TRAPPC3L: variants seen among roughly 807,000 people sequenced by gnomAD.
TRAPPC3L encodes the protein trafficking protein particle complex subunit 3-like protein.
In TRAPPC3L, 23 loss-of-function variants were observed where a neutral mutation model predicts 23.7. That is an observed-to-expected ratio of 0.97 (90% CI 0.70 to 1.37). The LOEUF (loss-of-function observed/expected upper bound fraction) is 1.37. Ranked by LOEUF, TRAPPC3L falls within the 40% of genes most tolerant of loss-of-function variation. The pLI, the probability that TRAPPC3L is intolerant of heterozygous loss-of-function variation, is 0.00. For synonymous variants in TRAPPC3L, 81 were observed against 77.9 expected, an observed-to-expected ratio of 1.04 and a Z score of -0.21; for missense variants, 212 against 216.8, an observed-to-expected ratio of 0.98 and a Z score of 0.14.
intron 3 of TRAPPC3L, among the ~76,000 whole-genome samples, chr6:116,504,451 G>A (rs1003494406): frequency 6.6e-6 from 1 of 152,068 alleles, no homozygotes; most frequent in African/African-American, 2.4e-5. Context: ...CTACCAAGAG[G>A]TACAAAAAGA....
At chr6:116,504,902 G>A (rs1771977214) in intron 3 of TRAPPC3L, among the ~76,000 whole-genome samples, 1 of 152,166 alleles carries the variant, frequency 6.6e-6, no homozygotes, top group Admixed American at 6.5e-5. Context: ...CAAACCCACA[G>A]CCAATATCAT....
intron 3 of TRAPPC3L, among the ~76,000 whole-genome samples, chr6:116,530,034 C>A (rs1772601749): frequency 6.6e-6 from 1 of 152,094 alleles, no homozygotes; most frequent in South Asian, 2.1e-4. Flanking sequence ...CAGCAAAATT[C>A]AAGTGTTGTG....
At chr6:116,513,489 T>A (rs1772164306) in intron 3 of TRAPPC3L, among the ~76,000 whole-genome samples, 1 of 152,134 alleles carries the variant, frequency 6.6e-6, no homozygotes, top group African/African-American at 2.4e-5. Flanking sequence ...GCCCAAACAC[T>A]TATCATTGTG....
chr6:116,505,037 G>A (rs991639270), intron 3 of TRAPPC3L, among the ~76,000 whole-genome samples: 3 of 152,168 alleles, frequency 2.0e-5, no homozygotes, highest in Non-Finnish European at 4.4e-5. Flanking sequence ...GCAAGAGAAA[G>A]AAATAAAGAG....
At position 116,545,614 on chromosome 6, in the gene TRAPPC3L, T is replaced by C; in HGVS notation, c.-100A>G. Reference sequence around the variant, plus strand: ...GTCTTTTTGTTTTGTTTTTGTAAGCTCTTCCTCGCTTTGAGACAGGAGTGC... The same window carrying C: ...GTCTTTTTGTTTTGTTTTTGTAAGCCCTTCCTCGCTTTGAGACAGGAGTGC... On this transcript the variant is annotated 5_prime_UTR_variant, in exon 1 of 5. Coordinates refer to ENST00000368602, the MANE Select transcript of TRAPPC3L (RefSeq NM_001139444.3). 9.2e-7 allele frequency: 1 copy of C among 1,090,720 alleles called. No homozygotes were observed. The highest frequency in any genetic ancestry group is 1.3e-6 in the Non-Finnish European group (1 of 755,918). The allele number at this position is 1,090,720 out of a possible 1,614,324, so 67.6% of individuals were successfully genotyped here.
chr6:116,506,004 C>T (rs142245338), intron 3 of TRAPPC3L, among the ~76,000 whole-genome samples: 3,842 of 152,186 alleles, frequency 0.025, 74 homozygotes, highest in Middle Eastern at 0.095. Context: ...CAACAAAAGC[C>T]AAAATAAACA....
In TRAPPC3L at chr6:116,496,762, T is replaced by A. The variant is rs1771838438; in HGVS notation, c.*192A>T. On this transcript the variant is annotated 3_prime_UTR_variant, in exon 5 of 5. Coordinates refer to ENST00000368602, the MANE Select transcript of TRAPPC3L (RefSeq NM_001139444.3). ...CATATGAAATTTTGTGGACATGAGA[T>A]TGAAAATGCGTGATTTATAAGCAAA... The A allele has an allele frequency of 1.2e-5, 9 of 723,706 alleles. No individual in the cohort carries two copies. Among genetic ancestry groups the A allele is most frequent in the Non-Finnish European group, 1.8e-5 (9 of 491,804 alleles). 44.8% of individuals were successfully genotyped at this position (723,706 alleles called of 1,614,324 possible). A position where few individuals can be genotyped will look rare whatever the true frequency, so the allele number is the denominator to read the frequency against.
intron 3 of TRAPPC3L, among the ~76,000 whole-genome samples, chr6:116,508,199 G>C (rs1281374323): frequency 6.6e-6 from 1 of 152,144 alleles, no homozygotes. Context: ...AATTTCTTGA[G>C]CACTGCCAGT....
intron 3 of TRAPPC3L, chr6:116,515,790 G>GT (rs768528441): frequency 7.4e-6 from 12 of 1,613,800 alleles, no homozygotes; most frequent in South Asian, 6.6e-5. Flanking sequence ...AACCTGAAAT[G>GT]TTTTTTTGAA....
At chr6:116,536,386 G>A (rs1316408347) in intron 3 of TRAPPC3L, among the ~76,000 whole-genome samples, 1 of 152,096 alleles carries the variant, frequency 6.6e-6, no homozygotes, top group African/African-American at 2.4e-5. Flanking sequence ...ATGACAGACC[G>A]ACCTCCTCTT....
At chr6:116,537,593 T>A (rs1189020097) in intron 3 of TRAPPC3L, among the ~76,000 whole-genome samples, 1 of 152,182 alleles carries the variant, frequency 6.6e-6, no homozygotes, top group African/African-American at 2.4e-5. Context: ...TCTGGAGCAT[T>A]GAAAGAACTC....
Position 116,509,091 on chromosome 6 carries a change from TAA to T in TRAPPC3L, c.241-8427_241-8426del, listed in dbSNP as rs56112495. On this transcript the variant is annotated intron_variant, in intron 3 of 4. Transcript: ENST00000368602. ...AACTCAATCCCTTTTATAAGAGTTG[TAA>T]AAAAAAAAAAAAAAAAAAACCCACC... Among the ~76,000 whole-genome samples, 954 of 128,000 alleles carry T rather than the reference TAA, an allele frequency of 7.5e-3. 6 individuals carry two copies. The highest frequency in any genetic ancestry group is 0.018 in the African/African-American group (588 of 32,680). The allele number at this position is 128,000 out of a possible 152,430, so 84.0% of individuals were successfully genotyped here. A position where few individuals can be genotyped will look rare whatever the true frequency, so the allele number is the denominator to read the frequency against.
chr6:116,501,810 C>T (rs9387410), intron 3 of TRAPPC3L, among the ~76,000 whole-genome samples: 26,858 of 152,148 alleles, frequency 0.18, 2,492 homozygotes, highest in East Asian at 0.34. Context: ...AACTAACGAA[C>T]AGAAAGGAAT....
intron 3 of TRAPPC3L, among the ~76,000 whole-genome samples, chr6:116,509,497 T>C (rs1267627111): frequency 6.6e-6 from 1 of 152,086 alleles, no homozygotes. Flanking sequence ...CAAAAGTAGA[T>C]ACATAGACCA....
chr6:116,512,138 G>A (rs148045878), intron 3 of TRAPPC3L: 3 of 1,613,736 alleles, frequency 1.9e-6, no homozygotes, highest in Non-Finnish European at 2.5e-6. Context: ...TAAGCCCAAA[G>A]AGTGCTGGGA....
chr6:116,517,247 G>A (rs1772246655), intron 3 of TRAPPC3L: 1 of 152,140 alleles, frequency 6.6e-6, no homozygotes, highest in Non-Finnish European at 1.5e-5. Flanking sequence ...TCAGACTATA[G>A]TAGGGTAAAT....
intron 3 of TRAPPC3L, chr6:116,523,071 TG>T (rs1042620027): frequency 1.3e-5 from 2 of 151,754 alleles, no homozygotes; most frequent in African/African-American, 4.8e-5. Flanking sequence ...GGTTCTCAGG[TG>T]ATACTGATGC....
intron 3 of TRAPPC3L, among the ~76,000 whole-genome samples, chr6:116,535,334 C>T (rs575057885): frequency 6.6e-6 from 1 of 152,298 alleles, no homozygotes; most frequent in South Asian, 2.1e-4. Context: ...CCTTTTTAAT[C>T]TCCACTACAT....
chr6:116,543,248 G>T, intron 2 of TRAPPC3L, 55 bp downstream of exon 2: 2 of 1,314,380 alleles, frequency 1.5e-6, no homozygotes, highest in Non-Finnish European at 2.1e-6. Context: ...CAGAAAGAAT[G>T]CAGGTGATGT....
Sources: gnomAD v4.1 joint callset for allele counts (sites outside exome capture counted in the v4.1 genomes callset) on GRCh38, gnomAD v4.1.1 for gene constraint, MANE v1.5 for transcripts, NCBI Gene and HGNC (gene_info 2026-07-23, HGNC 2026-07-21) for gene names.